LRTM1: variants seen among roughly 807,000 people sequenced by gnomAD.
The protein encoded by LRTM1 is leucine-rich repeat and transmembrane domain-containing protein 1.
A neutral mutation model predicts 32.4 loss-of-function variants in LRTM1; 38 were observed. The ratio of observed to expected loss-of-function variants is 1.17; its 90% CI spans 0.91 to 1.54. LRTM1 has a LOEUF of 1.54. Among genes scored for constraint, LRTM1 ranks in the 40% most tolerant of loss-of-function variants. The probability of loss-of-function intolerance (pLI) is 0.00; values close to 1 mark genes in which losing one functional copy is unlikely to be tolerated. For missense variants in LRTM1, 466 were observed against 415.4 expected, an observed-to-expected ratio of 1.12 and a Z score of -1.06; for synonymous variants, 186 against 169.9, an observed-to-expected ratio of 1.09 and a Z score of -0.74.
At chr3:54,933,987 T>C (rs1232595665) in intron 1 of LRTM1, among the ~76,000 whole-genome samples, 1 of 152,136 alleles carries the variant, frequency 6.6e-6, no homozygotes, top group African/African-American at 2.4e-5. Context: ...GTCAGGCTGG[T>C]CTCTAACTCC....
At position 54,918,855 on chromosome 3, in the gene LRTM1, G is replaced by A. The variant is rs200962085; in HGVS notation, c.642C>T (p.Asp214=). 3 of 1,568,112 alleles carry A rather than the reference G, an allele frequency of 1.9e-6. No homozygotes were observed. The South Asian group carries it at 3.6e-5, about 19-fold the overall frequency. The change falls in exon 3 of 3, where the codon GAC becomes GAT. Residue 214 remains aspartate (D), a synonymous_variant. Coordinates refer to ENST00000273286, the MANE Select transcript of LRTM1 (RefSeq NM_020678.4). ...TAAGGAGGTCCTTTCCCTTCCAGGT[G>A]TCTGGTGATTCACAGATGATGCCGT... The part of the protein sequence containing the change: ...LTDGIICESP[D]TWKGKDLLRI...
chr3:54,955,637 C>A (rs1701868494), intron 1 of LRTM1, among the ~76,000 whole-genome samples: 1 of 152,034 alleles, frequency 6.6e-6, no homozygotes, highest in African/African-American at 2.4e-5. Flanking sequence ...TCTTTGAGTC[C>A]CAACAGAATG....
At chr3:54,925,657 T>C (rs1452283141) in intron 1 of LRTM1, among the ~76,000 whole-genome samples, 1 of 152,218 alleles carries the variant, frequency 6.6e-6, no homozygotes, top group Non-Finnish European at 1.5e-5. Context: ...AATACAACTT[T>C]CTGTGATGAT....
At position 54,928,045 on chromosome 3, in the gene LRTM1, T is replaced by C; in HGVS notation, c.-134A>G. The C allele has an allele frequency of 1.3e-6, 1 of 794,196 alleles. No individual in the cohort carries two copies. 49.2% of individuals were successfully genotyped at this position (794,196 alleles called of 1,614,324 possible). On this transcript the variant is annotated 5_prime_UTR_variant, in exon 1 of 3. Transcript: ENST00000273286. ...TTTCTGAACCCTGCCCTTGCTTTTCTTCAATGCAGAAAACAGTTGTTGCTT... is the reference window on the plus strand; with the variant it reads ...TTTCTGAACCCTGCCCTTGCTTTTCCTCAATGCAGAAAACAGTTGTTGCTT...
chr3:54,931,262 G>GT (rs1337393642), upstream of LRTM1, among the ~76,000 whole-genome samples: 1 of 152,124 alleles, frequency 6.6e-6, no homozygotes, highest in East Asian at 1.9e-4. Context: ...TGCCCAAGGG[G>GT]TTTTTTTGGT....
upstream of LRTM1, among the ~76,000 whole-genome samples, chr3:54,932,607 G>A (rs1414896222): frequency 6.6e-6 from 1 of 152,154 alleles, no homozygotes; most frequent in African/African-American, 2.4e-5. Context: ...CCTAGAGTTT[G>A]CCTCCTCTCT....
chr3:54,958,304 G>A (rs1430148318), intron 1 of LRTM1, among the ~76,000 whole-genome samples: 1 of 152,214 alleles, frequency 6.6e-6, no homozygotes, highest in Non-Finnish European at 1.5e-5. Context: ...GAGGCAGGAG[G>A]ACTGCCTGAG....
chr3:54,965,775 T>A (rs1379378501), intron 1 of LRTM1, among the ~76,000 whole-genome samples: 1 of 152,164 alleles, frequency 6.6e-6, no homozygotes, highest in Non-Finnish European at 1.5e-5. Context: ...GGAACACAGC[T>A]AGGTCAAAAC....
chr3:54,943,963 G>T (rs1178664906), intron 1 of LRTM1, among the ~76,000 whole-genome samples: 1 of 152,154 alleles, frequency 6.6e-6, no homozygotes, highest in East Asian at 1.9e-4. Context: ...CGACCTTGTA[G>T]CTCTGAAAAG....
chr3:54,951,502 T>C lies in LRTM1; in HGVS notation c.-222+15426A>G, dbSNP rs139841230. ...TGGGGGGCTGCTGTCCTGTGAGTTGTAGGATTTCAGTTACTGTGAACTTTG... is the reference window on the plus strand; with the variant it reads ...TGGGGGGCTGCTGTCCTGTGAGTTGCAGGATTTCAGTTACTGTGAACTTTG... On this transcript the variant is annotated intron_variant, in intron 1 of 2. Transcript: ENST00000493075. 3.1e-3 allele frequency among the ~76,000 whole-genome samples: 474 copies of C among 152,314 alleles called. 7 individuals carry two copies. Among genetic ancestry groups the C allele is most frequent in the Non-Finnish European group, 9.8e-4 (67 of 68,038 alleles).
At chr3:54,948,964 AC>A (rs1701686318) in intron 1 of LRTM1, among the ~76,000 whole-genome samples, 1 of 152,214 alleles carries the variant, frequency 6.6e-6, no homozygotes, top group Non-Finnish European at 1.5e-5. Context: ...CATAGTTATA[AC>A]CAGCTTCAGG....
At chr3:54,966,469 A>G (rs1308500415) in intron 1 of LRTM1, among the ~76,000 whole-genome samples, 1 of 152,112 alleles carries the variant, frequency 6.6e-6, no homozygotes, top group Non-Finnish European at 1.5e-5. Flanking sequence ...CCAACAGCTG[A>G]TTTACTAAAG....
intron 1 of LRTM1, among the ~76,000 whole-genome samples, chr3:54,959,271 G>C (rs544840158): frequency 6.6e-6 from 1 of 152,176 alleles, no homozygotes; most frequent in African/African-American, 2.4e-5. Flanking sequence ...ACAGTTCCCT[G>C]TCAGCTCTGG....
intron 1 of LRTM1, among the ~76,000 whole-genome samples, chr3:54,965,857 G>A (rs1367625846): frequency 6.6e-6 from 1 of 152,110 alleles, no homozygotes. Context: ...GCAGGGGTGT[G>A]AGTGAGGAGA....
At position 54,925,135 on chromosome 3, in the gene LRTM1, A is replaced by G. The variant is rs1023063652; in HGVS notation, c.88T>C (p.Ser30Pro). 2 of 1,614,144 alleles carry G rather than the reference A, an allele frequency of 1.2e-6. No individual in the cohort carries two copies. Among genetic ancestry groups the G allele is most frequent in the Non-Finnish European group, 8.5e-7 (1 of 1,180,018 alleles). ...TGGCTGCAGTCTACAAAATTTGTAG[A>G]TGACTGACAGTAACACTTGTCCGGG... The part of the protein sequence containing the change: ...SCPDKCYCQS[S>P]TNFVDCSQQG... The change falls in exon 2 of 3, where the codon TCT becomes CCT. Residue 30 changes from serine (S) to proline (P), a missense_variant. By Grantham distance (74) the Ser-to-Pro change is moderately conservative. Transcript: ENST00000273286.
At chr3:54,941,156 A>T (rs74464380) in intron 1 of LRTM1, among the ~76,000 whole-genome samples, 3,444 of 152,338 alleles carry the variant, frequency 0.023, 131 homozygotes, top group African/African-American at 0.075. Context: ...CCCCAGTTAA[A>T]GTAACTTAAA....
chr3:54,964,917 C>T (rs1332154682), intron 1 of LRTM1, among the ~76,000 whole-genome samples: 1 of 151,890 alleles, frequency 6.6e-6, no homozygotes, highest in Non-Finnish European at 1.5e-5. Flanking sequence ...TACTCTCATT[C>T]TCCCATTTCC....
chr3:54,947,846 C>G (rs62256160), intron 1 of LRTM1, among the ~76,000 whole-genome samples: 23,351 of 152,130 alleles, frequency 0.15, 1,963 homozygotes, highest in African/African-American at 0.22. Context: ...GTAAATGGTT[C>G]TCTAGCACTC....
chr3:54,949,240 A>C (rs1048144794), intron 1 of LRTM1, among the ~76,000 whole-genome samples: 5 of 152,210 alleles, frequency 3.3e-5, no homozygotes, highest in African/African-American at 9.7e-5. Flanking sequence ...CCCTATGCCT[A>C]GCAGGTGGAG....
Sources: gnomAD v4.1 joint callset for allele counts (sites outside exome capture counted in the v4.1 genomes callset) on GRCh38, gnomAD v4.1.1 for gene constraint, MANE v1.5 for transcripts, NCBI Gene and HGNC (gene_info 2026-07-23, HGNC 2026-07-21) for gene names.